The following STAU1 variants were observed in gnomAD, a reference collection of about 807,000 sequenced individuals.
STAU1 encodes double-stranded RNA-binding protein Staufen homolog 1.
In STAU1, 13 loss-of-function variants were observed where a neutral mutation model predicts 62.9. That is an observed-to-expected ratio of 0.21 (90% CI 0.13 to 0.33). STAU1 has a LOEUF of 0.33. Among genes scored for constraint, STAU1 ranks in the 10% least tolerant of loss-of-function variants. STAU1 has a pLI of 1.00. For missense variants in STAU1, 571 were observed against 712.1 expected (o/e 0.80, Z 2.25); for synonymous variants, 269 against 265.1 (o/e 1.01, Z -0.14).
intron 3 of STAU1, chr20:49,159,026 C>T (rs554077520): frequency 7.8e-7 from 1 of 1,281,286 alleles, no homozygotes; most frequent in African/African-American, 1.5e-5. Context: ...TAAGTACAAA[C>T]AACAGCATGA....
At chr20:49,170,303 A>G (rs2093580768) in intron 2 of STAU1, among the ~76,000 whole-genome samples, 2 of 152,236 alleles carry the variant, frequency 1.3e-5, no homozygotes, top group South Asian at 4.1e-4. Context: ...TCCACTTTCA[A>G]CTTACAGACT....
chr20:49,177,443 C>T (rs1010671861), intron 1 of STAU1, among the ~76,000 whole-genome samples: 5 of 151,948 alleles, frequency 3.3e-5, no homozygotes, highest in African/African-American at 1.2e-4. Context: ...CTTTGGGAGG[C>T]CGAGGGTGGC....
chr20:49,126,567 C>T (rs1472417948), intron 6 of STAU1, among the ~76,000 whole-genome samples: 1 of 3,758 alleles, frequency 2.7e-4, no homozygotes, highest in Non-Finnish European at 7.2e-4. Context: ...AACCTCGTCT[C>T]AAAAAGCAAA....
At chr20:49,208,505 A>T in the STAU1 span, among the ~76,000 whole-genome samples, 1 of 150,812 alleles carries the variant, frequency 6.6e-6, no homozygotes, top group East Asian at 2.0e-4. Flanking sequence ...GCCTGGCACA[A>T]GAAAATTGTA....
chr20:49,207,326 G>GC, the STAU1 span, among the ~76,000 whole-genome samples: 1 of 152,026 alleles, frequency 6.6e-6, no homozygotes, highest in Non-Finnish European at 1.5e-5. Context: ...CGCCTCCACT[G>GC]CCCCCTTCTG....
At chr20:49,159,157 A>C in intron 3 of STAU1, 12 of 1,087,860 alleles carry the variant, frequency 1.1e-5, no homozygotes, top group Non-Finnish European at 1.0e-5. Context: ...CTAAAAAAAA[A>C]AAAACACACA....
rs2092870210 is a variant in STAU1 at position 49,135,830 on chromosome 20, T to C, written c.609+3A>G. The C allele has an allele frequency of 6.2e-7, 1 of 1,611,074 alleles. No homozygotes were observed. Among genetic ancestry groups the C allele is most frequent in the Non-Finnish European group, 8.5e-7 (1 of 1,178,150 alleles). On this transcript the variant is annotated splice_donor_region_variant and intron_variant, in intron 6 of 13. Transcript: ENST00000371856. ...CAAAGTCCTACATGTAAAATTAGCT[T>C]ACCTCGAAATTCACAGGCAAGTTCC...
At chr20:49,189,272 C>T, upstream of STAU1, among the ~76,000 whole-genome samples, 1 of 140,874 alleles carries the variant, frequency 7.1e-6, no homozygotes, top group Non-Finnish European at 1.5e-5. Flanking sequence ...ATTTATTTCA[C>T]CCAGACCTAG....
chr20:49,117,681 A>C lies in STAU1; in HGVS notation c.1509+96T>G. On this transcript the variant is annotated intron_variant, in intron 11 of 13. Coordinates refer to ENST00000371856, the MANE Select transcript of STAU1 (RefSeq NM_017453.4). This position sits in a 1 kb window ranked among gnomAD's most constrained non-coding sequence, Gnocchi z 4.6. ...CCCATCCCTGGACAGAACTTGATTTAAGAAAAAAGTACAAAGTTCAAAGTT... is the reference window on the plus strand; with the variant it reads ...CCCATCCCTGGACAGAACTTGATTTCAGAAAAAAGTACAAAGTTCAAAGTT... 1 of 1,331,726 alleles carries C rather than the reference A, an allele frequency of 7.5e-7. No individual in the cohort carries two copies. The highest frequency in any genetic ancestry group is 1.0e-6 in the Non-Finnish European group (1 of 987,170). 82.5% of individuals were successfully genotyped at this position (1,331,726 alleles called of 1,614,324 possible).
Position 49,118,219 on chromosome 20 carries a change from T to C in STAU1, c.1189+114A>G, listed in dbSNP as rs561619542. On this transcript the variant is annotated intron_variant, in intron 10 of 13. Coordinates refer to ENST00000371856, the MANE Select transcript of STAU1 (RefSeq NM_017453.4). ...CATGGCAGCGCAGGGAATCAGGGAA[T>C]GATAAAGACACTTTGCATGCGGGAC... 1.0e-5 allele frequency: 14 copies of C among 1,375,792 alleles called. No homozygotes were observed. In the East Asian group the frequency reaches 3.0e-4, roughly 29 times the overall value. The allele number at this position is 1,375,792 out of a possible 1,614,324, so 85.2% of individuals were successfully genotyped here. A position where few individuals can be genotyped will look rare whatever the true frequency, so the allele number is the denominator to read the frequency against.
At chr20:49,182,582 T>TA (rs2093738147) in intron 1 of STAU1, among the ~76,000 whole-genome samples, 1 of 152,244 alleles carries the variant, frequency 6.6e-6, no homozygotes. Context: ...CTCACGCCTG[T>TA]AATCCCAGCA....
upstream of STAU1, among the ~76,000 whole-genome samples, chr20:49,191,097 G>A (rs957794359): frequency 2.0e-5 from 3 of 151,162 alleles, no homozygotes; most frequent in African/African-American, 2.4e-5. Flanking sequence ...GCGCGATCTC[G>A]GCTCACTGCA....
intron 6 of STAU1, among the ~76,000 whole-genome samples, chr20:49,129,673 C>T (rs548080020): frequency 1.7e-4 from 22 of 132,712 alleles, no homozygotes; most frequent in Non-Finnish European, 2.0e-4. Context: ...CTCGCCCTGT[C>T]GCCCAGGTTG....
rs530183771 is a variant in STAU1 at position 49,185,588 on chromosome 20, A to T, written c.-160+2528T>A. Among the ~76,000 whole-genome samples, 6 of 152,346 alleles carry T rather than the reference A, an allele frequency of 3.9e-5. No homozygotes were observed. In the South Asian group the frequency reaches 8.3e-4, roughly 21 times the overall value. ...AATCTGGTAAAAGTCAAAATCGCTA[A>T]TGTTGTGACACAATGTTTAAGATTT... On this transcript the variant is annotated intron_variant, in intron 1 of 13. Coordinates refer to ENST00000371856, the MANE Select transcript of STAU1 (RefSeq NM_017453.4).
chr20:49,137,179 TAAAAATAA>T lies in STAU1; in HGVS notation c.511-1256_511-1249del, dbSNP rs556280198. On this transcript the variant is annotated intron_variant, in intron 5 of 13. Coordinates refer to ENST00000371856, the MANE Select transcript of STAU1 (RefSeq NM_017453.4). ...AACAAAGACTCTCTATCTCTATAAT[TAAAAATAA>T]AGAAATAAATAAGGATGCGATGAAA... Among the ~76,000 whole-genome samples the T allele has an allele frequency of 2.0e-3, 304 of 152,102 alleles. 1 individual carries two copies. The highest frequency in any genetic ancestry group is 7.0e-3 in the African/African-American group (289 of 41,510).
At chr20:49,163,092 T>C (rs2093473665) in intron 3 of STAU1, among the ~76,000 whole-genome samples, 1 of 151,668 alleles carries the variant, frequency 6.6e-6, no homozygotes, top group African/African-American at 2.4e-5. Context: ...CTCAGGAGGC[T>C]GAGGCAGGAG....
chr20:49,193,715 T>C, the STAU1 span, among the ~76,000 whole-genome samples: 16 of 152,056 alleles, frequency 1.1e-4, no homozygotes, highest in South Asian at 3.3e-3. Flanking sequence ...CGCCCTGTAA[T>C]CCCAGCACTT....
rs1450588320 is a variant in STAU1 at position 49,123,339 on chromosome 20, C to A, written c.823-104G>T. 2.5e-5 allele frequency: 36 copies of A among 1,428,756 alleles called. No individual in the cohort carries two copies. In the South Asian group the frequency reaches 4.4e-4, roughly 17 times the overall value. The allele number at this position is 1,428,756 out of a possible 1,614,324, so 88.5% of individuals were successfully genotyped here. ...AGGAGATAAGAGATTTTGGGTTGAC[C>A]TAATGGCTCAGAATTCGATTTTTTT... On this transcript the variant is annotated intron_variant, in intron 7 of 13. Coordinates refer to ENST00000371856, the MANE Select transcript of STAU1 (RefSeq NM_017453.4).
intron 2 of STAU1, among the ~76,000 whole-genome samples, chr20:49,170,164 C>G (rs759633542): frequency 6.6e-6 from 1 of 152,084 alleles, no homozygotes; most frequent in Non-Finnish European, 1.5e-5. Flanking sequence ...AAGACTAGAC[C>G]ATACTGAGCA....
Sources: allele counts gnomAD v4.1 joint callset (sites outside exome capture counted in the v4.1 genomes callset), GRCh38; gene constraint gnomAD v4.1.1; non-coding constraint Gnocchi (gnomAD v3.1); transcripts MANE v1.5; gene names NCBI Gene and HGNC (gene_info 2026-07-23, HGNC 2026-07-21).